The following LRBA variants were observed in gnomAD, a reference collection of about 807,000 sequenced individuals.
The protein encoded by LRBA is lipopolysaccharide-responsive and beige-like anchor protein.
LRBA carries 176 observed loss-of-function variants against 330.0 expected under a neutral mutation model. The ratio of observed to expected loss-of-function variants is 0.53; its 90% CI spans 0.47 to 0.60. The LOEUF is 0.60. LRBA is among the 20% of genes least tolerant of loss of function. The pLI is 0.00. For missense variants in LRBA, 3,259 were observed against 3,444.8 expected (o/e 0.95, Z 1.35); for synonymous variants, 1,230 against 1,193.0 (o/e 1.03, Z -0.64).
At chr4:150,487,468 C>G (rs2152092698) in intron 42 of LRBA, among the ~76,000 whole-genome samples, 1 of 151,408 alleles carries the variant, frequency 6.6e-6, no homozygotes, top group South Asian at 2.1e-4. Flanking sequence ...ACACCATACC[C>G]TATGCTAGGG....
chr4:150,735,566 C>G (rs1731077094), intron 35 of LRBA, among the ~76,000 whole-genome samples, 200 bp from the exon 36 acceptor site: 1 of 152,150 alleles, frequency 6.6e-6, no homozygotes, highest in African/African-American at 2.4e-5. Context: ...AGCAGATTAG[C>G]TTCTATCAGA....
Position 150,321,312 on chromosome 4 carries a change from A to C in LRBA, c.7509T>G (p.Phe2503Leu). The change falls in exon 50 of 57, where the codon TTT becomes TTG. Residue 2503 changes from phenylalanine (F) to leucine (L), a missense_variant. Transcript: ENST00000651943. This position sits in a 1 kb window ranked among gnomAD's most constrained non-coding sequence, Gnocchi z 4.5. Reference sequence around the variant, plus strand: ...CGTGAGTAACAGGGGAGTTGGAGGGAAACTTGAGGACCATGATAACATCCT... The same window carrying C: ...CGTGAGTAACAGGGGAGTTGGAGGGCAACTTGAGGACCATGATAACATCCT... ...AQQDVIMVLK[F>L]PSNSPVTHVA... 1 of 1,608,374 alleles carries C rather than the reference A, an allele frequency of 6.2e-7. No homozygotes were observed. The highest frequency in any genetic ancestry group is 8.5e-7 in the Non-Finnish European group (1 of 1,178,156).
intron 36 of LRBA, chr4:150,684,080 CA>C: frequency 6.0e-6 from 1 of 165,980 alleles, no homozygotes; most frequent in Non-Finnish European, 1.3e-5. Flanking sequence ...AAATAATTTT[CA>C]AAAGGCAGGC....
At chr4:150,727,067 GTTT>G (rs34671398) in intron 36 of LRBA, among the ~76,000 whole-genome samples, 1 of 79,500 alleles carries the variant, frequency 1.3e-5, no homozygotes, top group Admixed American at 2.1e-4. Context: ...ACATTTCGTT[GTTT>G]TTTTTTTTTT....
At chr4:150,584,152 C>A in intron 40 of LRBA, 1 of 1,495,372 alleles carries the variant, frequency 6.7e-7, no homozygotes, top group South Asian at 1.4e-5. Flanking sequence ...CGGGCGTGCT[C>A]TCTCAGACAC....
At chr4:150,609,767 A>G (rs1195719406) in intron 37 of LRBA, among the ~76,000 whole-genome samples, 2 of 152,196 alleles carry the variant, frequency 1.3e-5, no homozygotes, top group African/African-American at 4.8e-5. Flanking sequence ...GGCGGTTTAA[A>G]GAAGGTAAAG....
chr4:150,363,785 C>T (rs1237494303), intron 47 of LRBA, among the ~76,000 whole-genome samples: 1 of 152,182 alleles, frequency 6.6e-6, no homozygotes, highest in Non-Finnish European at 1.5e-5. Flanking sequence ...TAATACATGT[C>T]TGTTGAATGA....
At chr4:150,435,848 T>A in intron 45 of LRBA, 140 bp from the exon 46 acceptor site, 1 of 497,276 alleles carries the variant, frequency 2.0e-6, no homozygotes, top group South Asian at 3.9e-5. Context: ...GAGAATTATA[T>A]CTAAATTATT....
At chr4:150,694,789 T>C (rs1784483921) in intron 36 of LRBA, among the ~76,000 whole-genome samples, 1 of 152,042 alleles carries the variant, frequency 6.6e-6, no homozygotes, top group Non-Finnish European at 1.5e-5. Flanking sequence ...GGATACAACA[T>C]GTTGGGTTCT....
chr4:150,675,041 A>G (rs569681394), intron 37 of LRBA, among the ~76,000 whole-genome samples: 1 of 152,058 alleles, frequency 6.6e-6, no homozygotes, highest in Non-Finnish European at 1.5e-5. Context: ...ACATAGTGAG[A>G]CTTTGTTGCC....
intron 37 of LRBA, among the ~76,000 whole-genome samples, chr4:150,632,234 GAAAA>G (rs33955499): frequency 1.5e-5 from 2 of 136,960 alleles, no homozygotes; most frequent in African/African-American, 5.4e-5. Context: ...CTGTCTCAAG[GAAAA>G]AAAAAAAAAA....
chr4:150,716,002 G>A (rs17027030), intron 36 of LRBA, among the ~76,000 whole-genome samples: 24,292 of 152,094 alleles, frequency 0.16, 4,576 homozygotes, highest in African/African-American at 0.46. Context: ...TTTGGAGTCT[G>A]ACTTTCGTTT....
intron 47 of LRBA, among the ~76,000 whole-genome samples, chr4:150,402,267 C>CA (rs1745590094): frequency 7.4e-6 from 1 of 135,234 alleles, no homozygotes; most frequent in Non-Finnish European, 1.7e-5. Flanking sequence ...CAGCAGTAGA[C>CA]CAAAAAAAAA....
intron 37 of LRBA, among the ~76,000 whole-genome samples, chr4:150,600,684 C>T (rs1002382530): frequency 4.6e-5 from 7 of 152,026 alleles, no homozygotes; most frequent in Non-Finnish European, 7.4e-5. Flanking sequence ...TTATATATTT[C>T]TTCATTATTC....
chr4:150,416,821 A>G (rs1176253811), intron 46 of LRBA, among the ~76,000 whole-genome samples: 1 of 152,114 alleles, frequency 6.6e-6, no homozygotes, highest in African/African-American at 2.4e-5. Flanking sequence ...GCTAACACTT[A>G]TTGCATGGTA....
At chr4:150,571,436 C>T (rs943287704) in intron 40 of LRBA, among the ~76,000 whole-genome samples, 2 of 151,884 alleles carry the variant, frequency 1.3e-5, no homozygotes, top group African/African-American at 4.8e-5. Flanking sequence ...TTCAAGGAAT[C>T]CAAATAAAAC....
At chr4:150,560,037 T>C (rs972911001) in intron 40 of LRBA, among the ~76,000 whole-genome samples, 3 of 141,338 alleles carry the variant, frequency 2.1e-5, no homozygotes, top group Non-Finnish European at 4.5e-5. Flanking sequence ...GGTTAAAGTA[T>C]TATCTCAAAG....
intron 2 of LRBA, among the ~76,000 whole-genome samples, chr4:150,953,343 A>C: frequency 6.6e-6 from 1 of 151,720 alleles, no homozygotes; most frequent in Admixed American, 6.6e-5. Flanking sequence ...ATTTAAAAGA[A>C]TAGCTCCCTC....
intron 40 of LRBA, among the ~76,000 whole-genome samples, chr4:150,525,391 G>A (rs78153216): frequency 0.016 from 2,444 of 151,778 alleles, 67 homozygotes; most frequent in African/African-American, 0.054. Flanking sequence ...AGGGACTCAA[G>A]TTCAATCTAT....
Sources: gnomAD v4.1 joint callset for allele counts (sites outside exome capture counted in the v4.1 genomes callset) on GRCh38, gnomAD v4.1.1 for gene constraint, Gnocchi (gnomAD v3.1) non-coding constraint, MANE v1.5 for transcripts, NCBI Gene and HGNC (gene_info 2026-07-23, HGNC 2026-07-21) for gene names.